The following MARK2 variants were observed in gnomAD, a reference collection of about 807,000 sequenced individuals.
The protein encoded by MARK2 is serine/threonine-protein kinase MARK2.
A neutral mutation model predicts 89.8 loss-of-function variants in MARK2; 16 were observed. The observed-to-expected ratio is 0.18, with a 90% CI of 0.12 to 0.27. The LOEUF (loss-of-function observed/expected upper bound fraction) is 0.27, where lower values mean the gene tolerates loss of function less well. Ranked by LOEUF, MARK2 falls within the 10% of genes least tolerant of loss-of-function variation. MARK2 has a pLI of 1.00. For missense variants in MARK2, 621 were observed against 1,049.9 expected (o/e 0.59, Z 5.65); for synonymous variants, 382 against 399.5 (o/e 0.96, Z 0.52).
chr11:63,895,749 A>G (rs1038703214), intron 3 of MARK2, 116 bp downstream of exon 3: 26 of 898,922 alleles, frequency 2.9e-5, no homozygotes, highest in Non-Finnish European at 4.4e-5. Context: ...GGCTCACTGC[A>G]ACCTCCGCCT....
rs1364148583 is a variant in MARK2, at chr11:63,839,496, A to G, written c.-11A>G. 2.0e-6 allele frequency: 3 copies of G among 1,515,198 alleles called. No individual in the cohort carries two copies. The South Asian group carries it at 3.6e-5, about 18-fold the overall frequency. 93.9% of individuals were successfully genotyped at this position (1,515,198 alleles called of 1,614,324 possible). ...AAGCTTCTCGGTTCCCTCCCCCGAG[A>G]TACCGGCGCCATGTCCAGCGCTCGG... On this transcript the variant is annotated 5_prime_UTR_variant, in exon 1 of 19. Coordinates refer to ENST00000402010, the MANE Select transcript of MARK2 (RefSeq NM_001039469.3).
At chr11:63,864,122 T>G (rs11231623) in intron 1 of MARK2, among the ~76,000 whole-genome samples, 1 of 151,414 alleles carries the variant, frequency 6.6e-6, no homozygotes, top group Admixed American at 6.6e-5. Context: ...CCCGGCTAAT[T>G]TTTTTGTATT....
In MARK2 at chr11:63,908,958, G is replaced by C; in HGVS notation, c.2088G>C (p.Thr696=). ...CCAAGCCCCGCTCCCTCCGCTTCAC[G>C]TGGAGTATGAAGACCACGAGCTCCA... ...REAKPRSLRF[T]WSMKTTSSME... is the part of the protein sequence containing the mutation. The change falls in exon 19 of 19, where the codon ACG becomes ACC. Residue 696 remains threonine (T), a synonymous_variant. Coordinates refer to ENST00000402010, the MANE Select transcript of MARK2 (RefSeq NM_001039469.3). 6.5e-7 allele frequency: 1 copy of C among 1,544,016 alleles called. No individual in the cohort carries two copies. Among genetic ancestry groups the C allele is most frequent in the Non-Finnish European group, 8.8e-7 (1 of 1,137,532 alleles).
chr11:63,889,511 G>A (rs1939658199), intron 1 of MARK2, among the ~76,000 whole-genome samples: 1 of 152,232 alleles, frequency 6.6e-6, no homozygotes, highest in South Asian at 2.1e-4. Context: ...CTGCCTACCT[G>A]AGTCAGCGCC....
chr11:63,851,792 A>G (rs2016585212), intron 1 of MARK2, among the ~76,000 whole-genome samples: 2 of 150,796 alleles, frequency 1.3e-5, no homozygotes, highest in South Asian at 4.2e-4. Flanking sequence ...TTGTTTCTGG[A>G]GCCACCTCTC....
intron 1 of MARK2, among the ~76,000 whole-genome samples, chr11:63,840,621 GC>G (rs752433699): frequency 4.6e-5 from 7 of 152,084 alleles, no homozygotes; most frequent in Non-Finnish European, 1.0e-4. Context: ...CTTGCTTGTT[GC>G]CTTCCTGTTT....
At chr11:63,890,176 A>T in intron 1 of MARK2, 1 of 1,205,232 alleles carries the variant, frequency 8.3e-7, no homozygotes, top group Non-Finnish European at 1.1e-6. Context: ...TCTGTTGGAG[A>T]CTCTCTCCTC....
At chr11:63,846,948 G>A (rs1046141003) in intron 1 of MARK2, among the ~76,000 whole-genome samples, 3 of 152,126 alleles carry the variant, frequency 2.0e-5, no homozygotes, top group African/African-American at 4.8e-5. Flanking sequence ...GAGCCACCGC[G>A]CCCAGCCCAA....
At chr11:63,885,001 G>A (rs188246750) in intron 1 of MARK2, among the ~76,000 whole-genome samples, 3 of 152,208 alleles carry the variant, frequency 2.0e-5, no homozygotes, top group Non-Finnish European at 4.4e-5. Context: ...CAGGGAGTTC[G>A]AGACCAGCCT....
intron 1 of MARK2, among the ~76,000 whole-genome samples, chr11:63,855,028 C>T (rs552091298): frequency 6.7e-4 from 102 of 152,044 alleles, no homozygotes; most frequent in African/African-American, 2.3e-3. Flanking sequence ...GTCATTGTTG[C>T]CAGTGATAAA....
At chr11:63,873,877 A>G (rs979605340) in intron 1 of MARK2, among the ~76,000 whole-genome samples, 2 of 152,120 alleles carry the variant, frequency 1.3e-5, no homozygotes, top group African/African-American at 4.8e-5. Flanking sequence ...GAACTCCCGA[A>G]CTCAGGTGAT....
chr11:63,908,136 C>T (rs1941495816), intron 17 of MARK2, 124 bp from the exon 18 acceptor site: 4 of 795,232 alleles, frequency 5.0e-6, no homozygotes, highest in Non-Finnish European at 6.3e-6. Context: ...GGGCAGAGGG[C>T]CCTGGGCTTG....
At chr11:63,908,045 T>C (rs932977908) in intron 17 of MARK2, among the ~76,000 whole-genome samples, 1 of 152,166 alleles carries the variant, frequency 6.6e-6, no homozygotes, top group African/African-American at 2.4e-5. Flanking sequence ...ACAAGCCCCA[T>C]GTGCTGGGCT....
Position 63,900,697 on chromosome 11 carries a change from C to T in MARK2, c.888+19C>T. On this transcript the variant is annotated intron_variant, in intron 9 of 18. Coordinates refer to ENST00000402010, the MANE Select transcript of MARK2 (RefSeq NM_001039469.3). The surrounding 1 kb of genome is among the most constrained non-coding windows in gnomAD (Gnocchi z 4.7). ...TTTAGAGGTGAGCAGTGGAGCCCAA[C>T]TGGCGGAAGGGCCTGGGGTCCCCAC... The T allele has an allele frequency of 6.2e-7, 1 of 1,613,932 alleles. No individual in the cohort carries two copies. The highest frequency in any genetic ancestry group is 8.5e-7 in the Non-Finnish European group (1 of 1,179,786).
chr11:63,839,486 C>T lies in MARK2; in HGVS notation c.-21C>T. The T allele has an allele frequency of 1.3e-6, 2 of 1,493,532 alleles. No homozygotes were observed. The highest frequency in any genetic ancestry group is 1.2e-5 in the South Asian group (1 of 82,530). The allele number at this position is 1,493,532 out of a possible 1,614,324, so 92.5% of individuals were successfully genotyped here. A position where few individuals can be genotyped will look rare whatever the true frequency, so the allele number is the denominator to read the frequency against. On this transcript the variant is annotated 5_prime_UTR_variant, in exon 1 of 19. Transcript: ENST00000402010. ...CCCTTCCTCCAAGCTTCTCGGTTCC[C>T]TCCCCCGAGATACCGGCGCCATGTC...
intron 1 of MARK2, among the ~76,000 whole-genome samples, chr11:63,842,043 C>T (rs1310478566): frequency 6.6e-6 from 1 of 152,142 alleles, no homozygotes; most frequent in Non-Finnish European, 1.5e-5. Context: ...TTATTAATTA[C>T]CCATCCTATT....
chr11:63,907,149 C>T (rs1265234011), intron 17 of MARK2, among the ~76,000 whole-genome samples: 1 of 152,198 alleles, frequency 6.6e-6, no homozygotes, highest in Non-Finnish European at 1.5e-5. Context: ...TCTGCTCAGG[C>T]CCTGCATTGG....
chr11:63,884,828 T>A (rs946443199), intron 1 of MARK2, among the ~76,000 whole-genome samples: 1 of 152,134 alleles, frequency 6.6e-6, no homozygotes, highest in Admixed American at 6.5e-5. Context: ...TTGCTCAGAA[T>A]CAAAGGATGA....
chr11:63,883,223 T>C (rs1373787036), intron 1 of MARK2, among the ~76,000 whole-genome samples: 1 of 152,180 alleles, frequency 6.6e-6, no homozygotes, highest in Non-Finnish European at 1.5e-5. Context: ...GCAGGACCAC[T>C]GTCGTCATCC....
Sources: allele counts gnomAD v4.1 joint callset (sites outside exome capture counted in the v4.1 genomes callset), GRCh38; gene constraint gnomAD v4.1.1; non-coding constraint Gnocchi (gnomAD v3.1); transcripts MANE v1.5; gene names NCBI Gene and HGNC (gene_info 2026-07-23, HGNC 2026-07-21).